SUGCT: variants seen among roughly 807,000 people sequenced by gnomAD.
SUGCT encodes the protein succinyl-CoA:glutarate-CoA transferase.
SUGCT carries 41 observed loss-of-function variants against 55.0 expected under a neutral mutation model. The ratio of observed to expected loss-of-function variants is 0.74; its 90% CI spans 0.58 to 0.97. The LOEUF is 0.97. Among genes scored for constraint, SUGCT ranks in the 50% least tolerant of loss-of-function variants. The probability of loss-of-function intolerance (pLI) is 0.00; values close to 1 mark genes in which losing one functional copy is unlikely to be tolerated. For missense variants in SUGCT, 568 were observed against 547.8 expected, an observed-to-expected ratio of 1.04 and a Z score of -0.37; for synonymous variants, 187 against 200.4, an observed-to-expected ratio of 0.93 and a Z score of 0.56.
the SUGCT span, among the ~76,000 whole-genome samples, chr7:41,019,712 T>C: frequency 0.013 from 2,052 of 152,352 alleles, 46 homozygotes; most frequent in African/African-American, 0.045. Context: ...AAGGCTGTAA[T>C]TCGGGTTGAC....
chr7:40,517,216 T>C (rs927394201), intron 12 of SUGCT, among the ~76,000 whole-genome samples: 2 of 149,764 alleles, frequency 1.3e-5, no homozygotes, highest in Non-Finnish European at 2.9e-5. Context: ...CACTTATTAG[T>C]TCCAGTAGCA....
At chr7:40,781,234 T>G (rs1789728149) in intron 13 of SUGCT, among the ~76,000 whole-genome samples, 1 of 152,226 alleles carries the variant, frequency 6.6e-6, no homozygotes, top group Non-Finnish European at 1.5e-5. Context: ...TCTGTATTCT[T>G]AGCCTTGGGC....
At chr7:40,291,042 T>G (rs959499797) in intron 8 of SUGCT, among the ~76,000 whole-genome samples, 4 of 152,040 alleles carry the variant, frequency 2.6e-5, no homozygotes, top group Non-Finnish European at 5.9e-5. Context: ...TAGGAACACT[T>G]TTACACTGTT....
chr7:40,832,028 A>G (rs1228674803), intron 13 of SUGCT, among the ~76,000 whole-genome samples: 1 of 152,172 alleles, frequency 6.6e-6, no homozygotes, highest in African/African-American at 2.4e-5. Context: ...GTGTTGTGGT[A>G]CAGTAACTTA....
At chr7:40,524,466 A>G (rs1793705854) in intron 12 of SUGCT, among the ~76,000 whole-genome samples, 1 of 152,016 alleles carries the variant, frequency 6.6e-6, no homozygotes, top group African/African-American at 2.4e-5. Context: ...TTGCTCGTGT[A>G]TTTATTTTTA....
At chr7:40,822,050 C>T (rs1170762449) in intron 13 of SUGCT, among the ~76,000 whole-genome samples, 3 of 152,202 alleles carry the variant, frequency 2.0e-5, no homozygotes, top group Non-Finnish European at 4.4e-5. Flanking sequence ...GCAGATTGTT[C>T]AGTTTCCATG....
chr7:40,268,858 C>T (rs998492239), intron 7 of SUGCT, among the ~76,000 whole-genome samples: 14 of 152,048 alleles, frequency 9.2e-5, no homozygotes, highest in African/African-American at 2.9e-4. Flanking sequence ...AGACTAGTCT[C>T]GAACTCCTGA....
the SUGCT span, among the ~76,000 whole-genome samples, chr7:41,003,395 T>C: frequency 6.6e-6 from 1 of 152,174 alleles, no homozygotes; most frequent in Non-Finnish European, 1.5e-5. Context: ...TTAAAGCATA[T>C]ATTTGGGTAA....
At chr7:40,248,891 C>CAT in intron 7 of SUGCT, among the ~76,000 whole-genome samples, 1 of 122,346 alleles carries the variant, frequency 8.2e-6, no homozygotes, top group South Asian at 2.8e-4. Flanking sequence ...CGCGCTCGCA[C>CAT]ACACACACAC....
the SUGCT span, among the ~76,000 whole-genome samples, chr7:40,993,499 G>T: frequency 6.6e-6 from 1 of 152,200 alleles, no homozygotes; most frequent in Non-Finnish European, 1.5e-5. Context: ...GATGGAAAAT[G>T]AAAGGCTTTC....
At chr7:41,021,043 C>A in the SUGCT span, among the ~76,000 whole-genome samples, 7 of 152,182 alleles carry the variant, frequency 4.6e-5, no homozygotes, top group Non-Finnish European at 1.0e-4. Flanking sequence ...ATTGAATTAC[C>A]CACTCCGTGA....
intron 12 of SUGCT, among the ~76,000 whole-genome samples, chr7:40,632,429 C>G (rs993016394): frequency 1.3e-5 from 2 of 151,402 alleles, no homozygotes; most frequent in African/African-American, 4.9e-5. Context: ...ATTCAGGCAT[C>G]TGTTCCTCTG....
chr7:40,812,011 G>T (rs1017326725), intron 13 of SUGCT, among the ~76,000 whole-genome samples: 1 of 151,810 alleles, frequency 6.6e-6, no homozygotes, highest in African/African-American at 2.4e-5. Context: ...TTTCCATGGA[G>T]ATCATATGGT....
intron 13 of SUGCT, among the ~76,000 whole-genome samples, chr7:40,754,611 C>G (rs1165075477): frequency 6.6e-6 from 1 of 152,156 alleles, no homozygotes; most frequent in Non-Finnish European, 1.5e-5. Context: ...GAATCAGGGG[C>G]TACAGCTCAA....
At chr7:40,812,742 G>A (rs1231024127) in intron 13 of SUGCT, among the ~76,000 whole-genome samples, 2 of 151,912 alleles carry the variant, frequency 1.3e-5, no homozygotes, top group Non-Finnish European at 2.9e-5. Flanking sequence ...CTTGATTTTA[G>A]TTATTTATCT....
chr7:40,283,880 G>C (rs112015201), intron 8 of SUGCT, among the ~76,000 whole-genome samples: 1 of 152,028 alleles, frequency 6.6e-6, no homozygotes, highest in Non-Finnish European at 1.5e-5. Flanking sequence ...TTTCATGTTC[G>C]CTGCAGCATT....
chr7:40,918,477 A>AAC, the SUGCT span, among the ~76,000 whole-genome samples: 1 of 151,896 alleles, frequency 6.6e-6, no homozygotes. Flanking sequence ...AAAAAAAAAA[A>AAC]AGGTTTGGGG....
chr7:40,470,747 G>GTC (rs34012862), intron 11 of SUGCT, among the ~76,000 whole-genome samples: 27,988 of 146,186 alleles, frequency 0.19, 3,051 homozygotes, highest in African/African-American at 0.32. Context: ...TAAGTGAACA[G>GTC]TCTCTCTCTC....
rs1792335395 is a variant in SUGCT at position 40,274,574 on chromosome 7, A to G, written c.638A>G (p.Tyr213Cys). 2 of 1,613,674 alleles carry G rather than the reference A, an allele frequency of 1.2e-6. No homozygotes were observed. The highest frequency in any genetic ancestry group is 1.7e-5 in the Admixed American group (1 of 59,978). The change falls in exon 8 of 14, where the codon TAT becomes TGT. Residue 213 changes from tyrosine (Y) to cysteine (C), a missense_variant. Coordinates refer to ENST00000335693, the MANE Select transcript of SUGCT (RefSeq NM_001193313.2). ...GATCTTGCCACTGGCCTGTATGCAT[A>G]TGGAGCTATTATGGCTGGATTGATA... ...MTDLATGLYA[Y>C]GAIMAGLIQK... is the part of the protein sequence containing the mutation.
Sources: allele counts gnomAD v4.1 joint callset (sites outside exome capture counted in the v4.1 genomes callset), GRCh38; gene constraint gnomAD v4.1.1; transcripts MANE v1.5; gene names NCBI Gene and HGNC (gene_info 2026-07-23, HGNC 2026-07-21).